Variants in PNMA2 observed in about 807,000 individuals in gnomAD.
PNMA2 encodes PNMA family member 2.
For missense variants in PNMA2, 455 were observed against 452.9 expected, an observed-to-expected ratio of 1.00 and a Z score of -0.04; for synonymous variants, 175 against 183.5, an observed-to-expected ratio of 0.95 and a Z score of 0.38.
chr8:26,507,875 C>A lies in PNMA2; in HGVS notation c.881G>T (p.Arg294Leu), dbSNP rs1383937975. 6 of 1,614,086 alleles carry A rather than the reference C, an allele frequency of 3.7e-6. No individual in the cohort carries two copies. The highest frequency in any genetic ancestry group is 1.1e-5 in the South Asian group (1 of 91,062). ...AIPRRIADQV[R>L]LEQVMAGATL... ...GGCCCCAGCCATGACCTGCTCCAGGCGGACCTGGTCCGCAATACGCCGAGG... is the reference window on the plus strand; with the variant it reads ...GGCCCCAGCCATGACCTGCTCCAGGAGGACCTGGTCCGCAATACGCCGAGG... Residue 294 changes from arginine to leucine, a missense_variant, in exon 3 of 3, where the codon CGC (arginine) becomes CTC (leucine). Transcript: ENST00000522362.
rs762217108 is a variant in PNMA2, at chr8:26,508,123, C to T, written c.633G>A (p.Arg211=). 16 of 1,614,100 alleles carry T rather than the reference C, an allele frequency of 9.9e-6. No individual in the cohort carries two copies. Among genetic ancestry groups the T allele is most frequent in the Non-Finnish European group, 1.2e-5 (14 of 1,180,032 alleles). ...TGTGCATGAGGTCCAGGGCAGGGCC[C>T]CGCAGGCTTTCCGCCAGCCACCTTT... ...EKKRWLAESL[R]GPALDLMHIV... is the part of the protein sequence containing the mutation. Residue 211 remains arginine, a synonymous_variant, in exon 3 of 3, where the codon CGG becomes CGA. Coordinates refer to ENST00000522362, the MANE Select transcript of PNMA2 (RefSeq NM_007257.6). The surrounding 1 kb of genome is among the most constrained non-coding windows in gnomAD (Gnocchi z 5.5).
At position 26,505,446 on chromosome 8, in the gene PNMA2, A is replaced by T. The variant is rs939349314; in HGVS notation, c.*2215T>A. 6.5e-6 allele frequency: 1 copy of T among 154,670 alleles called. No homozygotes were observed. The highest frequency in any genetic ancestry group is 1.5e-5 in the Non-Finnish European group (1 of 68,336). 9.6% of individuals were successfully genotyped at this position (154,670 alleles called of 1,614,324 possible). A position where few individuals can be genotyped will look rare whatever the true frequency, so the allele number is the denominator to read the frequency against. ...GTGCTCATCTGCACTGCACTCACAC[A>T]CTTACGTGATACACAGGTCTGATCT... On this transcript the variant is annotated 3_prime_UTR_variant, in exon 3 of 3. Coordinates refer to ENST00000522362, the MANE Select transcript of PNMA2 (RefSeq NM_007257.6).
chr8:26,513,221 C>T (rs1417772645), intron 1 of PNMA2, among the ~76,000 whole-genome samples: 1 of 150,914 alleles, frequency 6.6e-6, no homozygotes, highest in East Asian at 1.9e-4. Flanking sequence ...GTCCATGGCG[C>T]CTTGCGCAAT....
rs750845698 is a variant in PNMA2, at chr8:26,508,632, T to C, written c.124A>G (p.Thr42Ala). 6.2e-7 allele frequency: 1 copy of C among 1,614,068 alleles called. No individual in the cohort carries two copies. Among genetic ancestry groups the C allele is most frequent in the Admixed American group, 1.7e-5 (1 of 60,004 alleles). ...CTATACCTGCCCAGAGACTTTAAAG[T>C]CTCCTGAAGGACCTCCTGAATCTCA... is the stretch of plus-strand genomic sequence containing the variant. ...EAEIQEVLQETLKSLGRYRLL... is the reference protein window; with the variant it reads ...EAEIQEVLQEALKSLGRYRLL... Residue 42 changes from threonine (T) to alanine (A), a missense_variant, in exon 3 of 3, where the codon ACT becomes GCT. Transcript: ENST00000522362. This position sits in a 1 kb window ranked among gnomAD's most constrained non-coding sequence, Gnocchi z 5.5.
intron 1 of PNMA2, among the ~76,000 whole-genome samples, chr8:26,510,581 T>C (rs529024589): frequency 5.9e-5 from 9 of 152,252 alleles, no homozygotes; most frequent in African/African-American, 1.9e-4. Flanking sequence ...CCTGAGTACC[T>C]GGGACCACAG....
At position 26,508,676 on chromosome 8, in the gene PNMA2, G is replaced by A. The variant is rs774422018; in HGVS notation, c.80C>T (p.Pro27Leu). The A allele has an allele frequency of 2.8e-5, 45 of 1,613,970 alleles. No individual in the cohort carries two copies. The South Asian group carries it at 4.4e-4, about 16-fold the overall frequency. ...EQKSLMVTGI[P>L]ADFEEAEIQE... ...AATCTCAGCCTCCTCAAAGTCCGCC[G>A]GTATCCCCGTAACCATCAGTGACTT... Residue 27 changes from proline (P) to leucine (L), a missense_variant, in exon 3 of 3, where the codon CCG becomes CTG. Transcript: ENST00000522362. The surrounding 1 kb of genome is among the most constrained non-coding windows in gnomAD (Gnocchi z 5.5).
intron 1 of PNMA2, among the ~76,000 whole-genome samples, chr8:26,510,876 G>A (rs1196453270): frequency 6.6e-6 from 1 of 152,216 alleles, no homozygotes; most frequent in Admixed American, 6.5e-5. Context: ...GAGTTGGCCA[G>A]GCGTGGTGAC....
Position 26,508,173 on chromosome 8 carries a change from A to G in PNMA2, c.583T>C (p.Trp195Arg). The G allele has an allele frequency of 6.2e-7, 1 of 1,613,926 alleles. No individual in the cohort carries two copies. The highest frequency in any genetic ancestry group is 2.2e-5 in the East Asian group (1 of 44,862). Residue 195 changes from tryptophan to arginine, a missense_variant, in exon 3 of 3, where the codon TGG becomes CGG. Physicochemically the swap from Trp to Arg is moderately radical, Grantham distance 101. Coordinates refer to ENST00000522362, the MANE Select transcript of PNMA2 (RefSeq NM_007257.6). This position sits in a 1 kb window ranked among gnomAD's most constrained non-coding sequence, Gnocchi z 5.5. ...TTCTTTTCTGCCTCTGTTACTGGCC[A>G]CTCTTTGACTATCTCCGTGGCCTGT... ...LEQATEIVKEWPVTEAEKKRW... is the reference protein window; with the variant it reads ...LEQATEIVKERPVTEAEKKRW...
At position 26,507,234 on chromosome 8, in the gene PNMA2, G is replaced by C. The variant is rs1264906632; in HGVS notation, c.*427C>G. The C allele has an allele frequency of 6.5e-6, 1 of 153,832 alleles. No homozygotes were observed. The highest frequency in any genetic ancestry group is 2.4e-5 in the African/African-American group (1 of 41,464). The allele number at this position is 153,832 out of a possible 1,614,324, so 9.5% of individuals were successfully genotyped here. On this transcript the variant is annotated 3_prime_UTR_variant, in exon 3 of 3. Coordinates refer to ENST00000522362, the MANE Select transcript of PNMA2 (RefSeq NM_007257.6). Reference sequence around the variant, plus strand: ...ATTTGAGCCTAGGGGTTCCAGACCAGCCTGAGCAACACAGCAAAACCCTGT... The same window carrying C: ...ATTTGAGCCTAGGGGTTCCAGACCACCCTGAGCAACACAGCAAAACCCTGT...
Position 26,508,367 on chromosome 8 carries a change from G to A in PNMA2, c.389C>T (p.Ser130Phe). 1 of 1,614,162 alleles carries A rather than the reference G, an allele frequency of 6.2e-7. No individual in the cohort carries two copies. The highest frequency in any genetic ancestry group is 8.5e-7 in the Non-Finnish European group (1 of 1,179,996). The change falls in exon 3 of 3, where the codon TCT (serine) becomes TTT (phenylalanine). Residue 130 changes from serine (S) to phenylalanine (F), a missense_variant. Physicochemically the swap from Ser to Phe is radical, Grantham distance 155. Transcript: ENST00000522362. This position sits in a 1 kb window ranked among gnomAD's most constrained non-coding sequence, Gnocchi z 5.5. ...TGAGATGCAGGGCACTGTGGCTGGA[G>A]ACACGCCCTCCTGCCCCAGGGCTCG... is the stretch of plus-strand genomic sequence containing the variant. ...MFRALGQEGV[S>F]PATVPCISPE...
chr8:26,511,331 TCTC>T (rs1420842153), intron 1 of PNMA2, among the ~76,000 whole-genome samples: 1 of 152,086 alleles, frequency 6.6e-6, no homozygotes, highest in Non-Finnish European at 1.5e-5. Flanking sequence ...TGTGGGAAGA[TCTC>T]CTGAGTCTTC....
At chr8:26,510,227 C>A (rs142967735) in intron 1 of PNMA2, among the ~76,000 whole-genome samples, 13 of 152,282 alleles carry the variant, frequency 8.5e-5, no homozygotes, top group African/African-American at 2.9e-4. Flanking sequence ...CCCTTTCTTG[C>A]CGCATCTGCT....
At position 26,507,177 on chromosome 8, in the gene PNMA2, C is replaced by G. The variant is rs1408512547; in HGVS notation, c.*484G>C. ...GGCATGGCGGTTCATGCCTGTAATC[C>G]CAGCACTTTGGGAGGCCGAGTTGGG... On this transcript the variant is annotated 3_prime_UTR_variant, in exon 3 of 3. Coordinates refer to ENST00000522362, the MANE Select transcript of PNMA2 (RefSeq NM_007257.6). The G allele has an allele frequency of 6.6e-6, 1 of 152,398 alleles. No homozygotes were observed. Among genetic ancestry groups the G allele is most frequent in the Non-Finnish European group, 1.5e-5 (1 of 68,200 alleles). The allele number at this position is 152,398 out of a possible 1,614,324, so 9.4% of individuals were successfully genotyped here.
chr8:26,508,353 G>A lies in PNMA2; in HGVS notation c.403C>T (p.Pro135Ser). Residue 135 changes from proline (P) to serine (S), a missense_variant, in exon 3 of 3, where the codon CCC becomes TCC. Physicochemically the swap from Pro to Ser is moderately conservative, Grantham distance 74. Transcript: ENST00000522362. The surrounding 1 kb of genome is among the most constrained non-coding windows in gnomAD (Gnocchi z 5.5). Reference sequence around the variant, plus strand: ...GCCAGTAATTCTGGTGAGATGCAGGGCACTGTGGCTGGAGACACGCCCTCC... The same window carrying A: ...GCCAGTAATTCTGGTGAGATGCAGGACACTGTGGCTGGAGACACGCCCTCC... ...GQEGVSPATV[P>S]CISPELLAHL... The A allele has an allele frequency of 1.2e-6, 2 of 1,614,006 alleles. No homozygotes were observed. The highest frequency in any genetic ancestry group is 1.7e-6 in the Non-Finnish European group (2 of 1,179,912).
At position 26,505,596 on chromosome 8, in the gene PNMA2, A is replaced by G. The variant is rs182358057; in HGVS notation, c.*2065T>C. The G allele has an allele frequency of 2.6e-5, 4 of 152,562 alleles. No homozygotes were observed. The highest frequency in any genetic ancestry group is 9.6e-5 in the African/African-American group (4 of 41,602). The allele number at this position is 152,562 out of a possible 1,614,324, so 9.5% of individuals were successfully genotyped here. A position where few individuals can be genotyped will look rare whatever the true frequency, so the allele number is the denominator to read the frequency against. On this transcript the variant is annotated 3_prime_UTR_variant, in exon 3 of 3. Transcript: ENST00000522362. Reference sequence around the variant, plus strand: ...GAAACTTTGCTCTAAGGTCTGCACAAAATGAGCCAATCTGAAAATAAAAGT... The same window carrying G: ...GAAACTTTGCTCTAAGGTCTGCACAGAATGAGCCAATCTGAAAATAAAAGT...
Position 26,507,847 on chromosome 8 carries a change from A to G in PNMA2, c.909T>C (p.Thr303=). 1 of 1,614,010 alleles carries G rather than the reference A, an allele frequency of 6.2e-7. No individual in the cohort carries two copies. The highest frequency in any genetic ancestry group is 8.5e-7 in the Non-Finnish European group (1 of 1,179,918). The change falls in exon 3 of 3, where the codon ACT becomes ACC. Residue 303 remains threonine, a synonymous_variant. Transcript: ENST00000522362. The stretch of plus-strand genomic sequence containing the variant: ...GCCGGCACCACAGCATCTGGTTAAG[A>G]GTGGCCCCAGCCATGACCTGCTCCA... ...VRLEQVMAGA[T]LNQMLWCRLR...
rs1323597298 is a variant in PNMA2 at position 26,509,443 on chromosome 8, A to C, written c.-489+105T>G. The C allele has an allele frequency of 6.6e-6, 1 of 152,154 alleles. No homozygotes were observed. The highest frequency in any genetic ancestry group is 1.5e-5 in the Non-Finnish European group (1 of 68,038). 9.4% of individuals were successfully genotyped at this position (152,154 alleles called of 1,614,324 possible). ...GACTCCAATGAAATCTGGTGTCCCC[A>C]CCATATGCTCATCAGACCTGTTGAT... On this transcript the variant is annotated intron_variant, in intron 2 of 2. Transcript: ENST00000522362. The surrounding 1 kb of genome is among the most constrained non-coding windows in gnomAD (Gnocchi z 5.7).
chr8:26,513,396 C>A (rs866303052), intron 1 of PNMA2, among the ~76,000 whole-genome samples: 5 of 151,752 alleles, frequency 3.3e-5, no homozygotes, highest in African/African-American at 1.2e-4. Flanking sequence ...GTGCCCCCCC[C>A]CCACTCCCCC....
rs1399059373 is a variant in PNMA2 at position 26,504,794 on chromosome 8, A to G, written c.*2867T>C. On this transcript the variant is annotated 3_prime_UTR_variant, in exon 3 of 3. Coordinates refer to ENST00000522362, the MANE Select transcript of PNMA2 (RefSeq NM_007257.6). The stretch of plus-strand genomic sequence containing the variant: ...TGACAATGAAACTATTTTCATAAAT[A>G]CAAAAACACATGAAATTAGGGTGTC... The G allele has an allele frequency of 1.3e-5, 2 of 152,670 alleles. No homozygotes were observed. Among genetic ancestry groups the G allele is most frequent in the Admixed American group, 6.5e-5 (1 of 15,284 alleles). 9.5% of individuals were successfully genotyped at this position (152,670 alleles called of 1,614,324 possible).
Sources: allele counts gnomAD v4.1 joint callset (sites outside exome capture counted in the v4.1 genomes callset), GRCh38; gene constraint gnomAD v4.1.1; non-coding constraint Gnocchi (gnomAD v3.1); transcripts MANE v1.5; gene names NCBI Gene and HGNC (gene_info 2026-07-23, HGNC 2026-07-21).